The following RARB variants were observed in gnomAD, a reference collection of about 807,000 sequenced individuals.
RARB encodes retinoic acid receptor beta, also known as HBV-activated protein.
A neutral mutation model predicts 51.9 loss-of-function variants in RARB; 17 were observed. The observed-to-expected ratio is 0.33, with a 90% CI of 0.22 to 0.49. RARB has a LOEUF of 0.49. RARB is among the 20% of genes least tolerant of loss of function. RARB has a pLI of 0.99. For missense variants in RARB, 369 were observed against 550.8 expected, an observed-to-expected ratio of 0.67 and a Z score of 3.30; for synonymous variants, 215 against 195.4, an observed-to-expected ratio of 1.10 and a Z score of -0.84.
chr3:25,492,431 C>T lies in RARB; in HGVS notation c.307-8751C>T, dbSNP rs557760520. On this transcript the variant is annotated intron_variant, in intron 2 of 7. Coordinates refer to ENST00000330688, the MANE Select transcript of RARB (RefSeq NM_000965.5). ...TTGTGAACTGAATACATTGGCTTCA[C>T]GCCCTTCCTGGGACATCATAGACTT... 6.6e-5 allele frequency among the ~76,000 whole-genome samples: 10 copies of T among 152,300 alleles called. No individual in the cohort carries two copies. The South Asian group carries it at 8.3e-4, about 13-fold the overall frequency.
At chr3:25,540,832 A>T (rs190212835) in intron 3 of RARB, among the ~76,000 whole-genome samples, 1 of 152,180 alleles carries the variant, frequency 6.6e-6, no homozygotes, top group East Asian at 1.9e-4. Flanking sequence ...GGAAGAAATC[A>T]CTCCTACTAG....
At chr3:25,329,792 A>G (rs1353494881) in intron 5 of RARB, among the ~76,000 whole-genome samples, 1 of 152,222 alleles carries the variant, frequency 6.6e-6, no homozygotes, top group Non-Finnish European at 1.5e-5. Flanking sequence ...ATGGCTAACT[A>G]GAATAACCAG....
At chr3:25,183,910 G>C (rs773913068) in intron 5 of RARB, among the ~76,000 whole-genome samples, 5 of 152,000 alleles carry the variant, frequency 3.3e-5, no homozygotes, top group Non-Finnish European at 7.4e-5. Flanking sequence ...CTTTATATCT[G>C]TCCCCATTAG....
intron 1 of RARB, among the ~76,000 whole-genome samples, chr3:24,843,912 C>T (rs1402538483): frequency 6.6e-6 from 1 of 151,478 alleles, no homozygotes; most frequent in Non-Finnish European, 1.5e-5. Context: ...CACACACACA[C>T]ACACACACAC....
intron 5 of RARB, among the ~76,000 whole-genome samples, chr3:25,358,835 G>C (rs992615520): frequency 1.3e-5 from 2 of 152,142 alleles, no homozygotes; most frequent in Non-Finnish European, 1.5e-5. Flanking sequence ...AAGCCGACTT[G>C]ATCATGGTGA....
intron 1 of RARB, among the ~76,000 whole-genome samples, chr3:24,854,242 G>A (rs578104972): frequency 2.0e-5 from 3 of 152,302 alleles, no homozygotes; most frequent in Admixed American, 6.5e-5. Flanking sequence ...TAGTAAATGA[G>A]CTGAGGGGTC....
At chr3:25,118,580 A>G (rs531992842) in intron 3 of RARB, among the ~76,000 whole-genome samples, 15 of 152,290 alleles carry the variant, frequency 9.8e-5, no homozygotes, top group African/African-American at 3.6e-4. Context: ...AATGAGTTTA[A>G]GGTTATATTC....
At chr3:25,131,461 G>T (rs1699952990) in intron 3 of RARB, among the ~76,000 whole-genome samples, 2 of 151,962 alleles carry the variant, frequency 1.3e-5, no homozygotes, top group South Asian at 4.1e-4. Flanking sequence ...CGTATTGTTT[G>T]TGAAATGCCT....
intron 5 of RARB, among the ~76,000 whole-genome samples, chr3:25,273,063 G>A (rs767996802): frequency 2.0e-5 from 3 of 152,134 alleles, no homozygotes; most frequent in African/African-American, 7.2e-5. Flanking sequence ...TAGTCTGCAA[G>A]CACATAGATA....
intron 2 of RARB, among the ~76,000 whole-genome samples, chr3:24,980,471 C>A (rs979873269): frequency 6.6e-6 from 1 of 151,222 alleles, no homozygotes; most frequent in South Asian, 2.1e-4. Context: ...ATTTGTTTCT[C>A]TTCTTTCTCT....
chr3:25,086,732 G>A (rs114921947), intron 3 of RARB, among the ~76,000 whole-genome samples: 59 of 152,184 alleles, frequency 3.9e-4, no homozygotes, highest in Non-Finnish European at 7.2e-4. Flanking sequence ...GGTCACAGGT[G>A]TATTCAAAGA....
At chr3:25,268,812 C>T (rs1703185685) in intron 5 of RARB, among the ~76,000 whole-genome samples, 1 of 152,192 alleles carries the variant, frequency 6.6e-6, no homozygotes, top group South Asian at 2.1e-4. Flanking sequence ...TTTCTCTCCT[C>T]TTACCTGCTT....
intron 5 of RARB, among the ~76,000 whole-genome samples, chr3:25,587,781 G>A (rs531517116): frequency 6.6e-6 from 1 of 152,296 alleles, no homozygotes; most frequent in South Asian, 2.1e-4. Flanking sequence ...ACAGGCATAT[G>A]GGGATAAATT....
At chr3:25,120,920 G>A (rs1699774321) in intron 3 of RARB, among the ~76,000 whole-genome samples, 1 of 152,126 alleles carries the variant, frequency 6.6e-6, no homozygotes, top group African/African-American at 2.4e-5. Context: ...TCAGAACTGA[G>A]TAGTCGCTAC....
At chr3:25,158,783 G>C (rs569903222) in intron 4 of RARB, among the ~76,000 whole-genome samples, 1 of 152,292 alleles carries the variant, frequency 6.6e-6, no homozygotes, top group African/African-American at 2.4e-5. Flanking sequence ...CAGGCACGTA[G>C]GAAGGCTGTG....
intron 2 of RARB, among the ~76,000 whole-genome samples, chr3:25,042,767 A>C (rs1054699187): frequency 2.0e-5 from 3 of 152,198 alleles, no homozygotes; most frequent in Non-Finnish European, 4.4e-5. Flanking sequence ...CCAAGTTCCT[A>C]TTATCTGTGA....
At chr3:25,427,912 G>A (rs188805622), upstream of RARB, among the ~76,000 whole-genome samples, 742 of 152,284 alleles carry the variant, frequency 4.9e-3, 7 homozygotes, top group Non-Finnish European at 7.2e-3. Context: ...GGGCGCAGGC[G>A]GAACACCGTT....
At chr3:25,381,186 T>C (rs1706613903) in intron 5 of RARB, among the ~76,000 whole-genome samples, 1 of 152,186 alleles carries the variant, frequency 6.6e-6, no homozygotes, top group African/African-American at 2.4e-5. Flanking sequence ...AAAAATAAAC[T>C]TGACCAAGGC....
intron 5 of RARB, among the ~76,000 whole-genome samples, chr3:25,319,102 T>C (rs990417358): frequency 6.6e-6 from 1 of 152,226 alleles, no homozygotes; most frequent in Non-Finnish European, 1.5e-5. Flanking sequence ...TTCTCAGACC[T>C]GAGGAGATGA....
Sources: allele counts gnomAD v4.1 joint callset (sites outside exome capture counted in the v4.1 genomes callset), GRCh38; gene constraint gnomAD v4.1.1; transcripts MANE v1.5; gene names NCBI Gene and HGNC (gene_info 2026-07-23, HGNC 2026-07-21).